Variants in GLIS1 observed in about 807,000 individuals in gnomAD.
GLIS1 encodes GLIS family zinc finger 1.
GLIS1 carries 24 observed loss-of-function variants against 63.8 expected under a neutral mutation model. The ratio of observed to expected loss-of-function variants is 0.38; its 90% CI spans 0.27 to 0.53. GLIS1 has a LOEUF of 0.53. Ranked by LOEUF, GLIS1 falls within the 20% of genes least tolerant of loss-of-function variation. GLIS1 has a pLI of 0.85. For synonymous variants in GLIS1, 450 were observed against 482.5 expected (o/e 0.93, Z 0.88); for missense variants, 1,036 against 1,074.1 (o/e 0.96, Z 0.50).
chr1:53,642,177 AGGACT>A (rs1422022713), intron 2 of GLIS1, among the ~76,000 whole-genome samples: 4 of 152,226 alleles, frequency 2.6e-5, no homozygotes, highest in African/African-American at 9.6e-5. Flanking sequence ...CCCCATTACG[AGGACT>A]GGTGCCCATC....
intron 2 of GLIS1, among the ~76,000 whole-genome samples, chr1:53,700,015 A>C (rs929674047): frequency 6.6e-6 from 1 of 152,186 alleles, no homozygotes. Flanking sequence ...CAGAGCCAGA[A>C]GAAGGGCTGG....
chr1:53,593,963 A>G (rs1645219723), intron 4 of GLIS1, 145 bp downstream of exon 4: 3 of 1,003,750 alleles, frequency 3.0e-6, no homozygotes, highest in Non-Finnish European at 4.3e-6. Flanking sequence ...GGCCACATCC[A>G]CAGCATGGGT....
Position 53,737,824 on chromosome 1 carries a change from C to A in GLIS1, c.241G>T (p.Ala81Ser). ...RSPRDYGPSK[A>S]AAAGKVNGSY... Reference sequence around the variant, plus strand: ...AACTCACCCTTCCCGGCGGCGGCGGCCTTGGATGGACCGTAGTCTCGGGGA... The same window carrying A: ...AACTCACCCTTCCCGGCGGCGGCGGACTTGGATGGACCGTAGTCTCGGGGA... Residue 81 changes from alanine (A) to serine (S), a missense_variant, in exon 2 of 11, where the codon GCC (alanine) becomes TCC (serine). Around this residue, in one of 3 missense-constraint regions of GLIS1, gnomAD observed 592 missense variants for 593.9 expected, o/e 1.00. Transcript: ENST00000628545. The A allele has an allele frequency of 8.1e-7, 1 of 1,231,092 alleles. No homozygotes were observed. The highest frequency in any genetic ancestry group is 1.0e-6 in the Non-Finnish European group (1 of 987,498). The allele number at this position is 1,231,092 out of a possible 1,614,324, so 76.3% of individuals were successfully genotyped here.
chr1:53,650,981 T>C (rs1034348657), intron 2 of GLIS1, among the ~76,000 whole-genome samples: 5 of 152,256 alleles, frequency 3.3e-5, no homozygotes, highest in African/African-American at 1.2e-4. Context: ...CTTCTAGCCC[T>C]GTGGCGTTTC....
rs1644397907 is a variant in GLIS1 at position 53,520,621 on chromosome 1, C to T, written c.1726+13G>A. On this transcript the variant is annotated intron_variant, in intron 7 of 10. Transcript: ENST00000628545. ...TGGGCTACGCCCCTGGCCCTGCCTC[C>T]CCGCACACGTACCTGGGAGCAGCTC... The T allele has an allele frequency of 6.3e-7, 1 of 1,599,720 alleles. No homozygotes were observed. Among genetic ancestry groups the T allele is most frequent in the Non-Finnish European group, 8.5e-7 (1 of 1,173,682 alleles).
chr1:53,591,790 C>G (rs1462002705), intron 4 of GLIS1, among the ~76,000 whole-genome samples: 1 of 152,244 alleles, frequency 6.6e-6, no homozygotes, highest in Non-Finnish European at 1.5e-5. Context: ...AGAGGCAAGA[C>G]CAAGTGTTCT....
intron 4 of GLIS1, among the ~76,000 whole-genome samples, chr1:53,573,373 C>A (rs1362401535): frequency 6.6e-6 from 1 of 152,038 alleles, no homozygotes; most frequent in African/African-American, 2.4e-5. Context: ...ACCCTCCACC[C>A]CCTCCAATTT....
At chr1:53,692,283 T>C (rs1017933941) in intron 2 of GLIS1, among the ~76,000 whole-genome samples, 2 of 152,212 alleles carry the variant, frequency 1.3e-5, no homozygotes, top group African/African-American at 4.8e-5. Flanking sequence ...AGCTCAACCC[T>C]ATGTCATATC....
At chr1:53,546,938 T>C in intron 4 of GLIS1, among the ~76,000 whole-genome samples, 1 of 104,642 alleles carries the variant, frequency 9.6e-6, no homozygotes, top group East Asian at 2.4e-4. Flanking sequence ...CGCCTCTTTC[T>C]TCCCCTGACT....
At chr1:53,674,492 A>C (rs1646190791) in intron 2 of GLIS1, among the ~76,000 whole-genome samples, 1 of 152,204 alleles carries the variant, frequency 6.6e-6, no homozygotes, top group African/African-American at 2.4e-5. Flanking sequence ...CCTGGTTTCC[A>C]CATGTGTAAA....
intron 2 of GLIS1, among the ~76,000 whole-genome samples, chr1:53,620,703 G>A (rs1176185227): frequency 6.6e-6 from 1 of 152,216 alleles, no homozygotes. Context: ...GGAGACTGCA[G>A]GGCCTGTCCC....
chr1:53,624,737 C>G (rs1361416762), intron 2 of GLIS1, among the ~76,000 whole-genome samples: 7 of 151,666 alleles, frequency 4.6e-5, no homozygotes, highest in Admixed American at 1.3e-4. Flanking sequence ...CTAAAAAGCA[C>G]CATTTAGAAA....
At chr1:53,641,085 G>C (rs1431719460) in intron 2 of GLIS1, among the ~76,000 whole-genome samples, 1 of 152,172 alleles carries the variant, frequency 6.6e-6, no homozygotes, top group Non-Finnish European at 1.5e-5. Context: ...TGGCAGCAAT[G>C]AATACCTCCA....
chr1:53,516,470 G>A (rs1004046937), intron 7 of GLIS1, among the ~76,000 whole-genome samples: 2 of 152,012 alleles, frequency 1.3e-5, no homozygotes, highest in African/African-American at 4.8e-5. Flanking sequence ...ATTAACAAGG[G>A]GAGCAGCAGG....
rs377495171 is a variant in GLIS1, at chr1:53,716,668, G to GA, written c.259+21137dup. ...ATAACTAAAATAAAAAAGAAGATGG[G>GA]AAAAAGAGTCAAAGAAACCCTCCAA... On this transcript the variant is annotated intron_variant, in intron 2 of 10. Transcript: ENST00000628545. Among the ~76,000 whole-genome samples the GA allele has an allele frequency of 3.6e-3, 551 of 152,166 alleles. 4 individuals are homozygous for GA. Among genetic ancestry groups the GA allele is most frequent in the African/African-American group, 0.013 (525 of 41,528 alleles).
intron 2 of GLIS1, among the ~76,000 whole-genome samples, chr1:53,672,928 C>T (rs753089089): frequency 1.3e-5 from 2 of 152,248 alleles, no homozygotes; most frequent in Admixed American, 6.5e-5. Flanking sequence ...GGACTGGCTG[C>T]AGGGCTCAGG....
Position 53,509,967 on chromosome 1 carries a change from C to T in GLIS1, c.1944G>A (p.Pro648=), listed in dbSNP as rs553030733. The change falls in exon 9 of 11, where the codon CCG becomes CCA. Residue 648 remains proline, a synonymous_variant. Transcript: ENST00000628545. ...VSPLKGLGPP[P]LPPSSQSHSP... The stretch of plus-strand genomic sequence containing the variant: ...AATGGCTCTGAGAGGATGGGGGCAG[C>T]GGCGGTGGCCCCAGCCCCTTCAGGG... The T allele has an allele frequency of 1.0e-4, 129 of 1,294,286 alleles. No homozygotes were observed. The highest frequency in any genetic ancestry group is 1.2e-4 in the African/African-American group (8 of 66,142). The allele number at this position is 1,294,286 out of a possible 1,614,324, so 80.2% of individuals were successfully genotyped here. A position where few individuals can be genotyped will look rare whatever the true frequency, so the allele number is the denominator to read the frequency against.
chr1:53,655,806 T>A (rs965001139), intron 2 of GLIS1, among the ~76,000 whole-genome samples: 3 of 152,232 alleles, frequency 2.0e-5, no homozygotes, highest in Non-Finnish European at 4.4e-5. Flanking sequence ...TGTTTATTTA[T>A]CCACACTGCT....
At chr1:53,687,140 C>G (rs919577588) in intron 2 of GLIS1, among the ~76,000 whole-genome samples, 1 of 152,184 alleles carries the variant, frequency 6.6e-6, no homozygotes, top group Admixed American at 6.5e-5. Flanking sequence ...AAGGTTTTCC[C>G]AGGATGAGGC....
Sources: gnomAD v4.1 joint callset for allele counts (sites outside exome capture counted in the v4.1 genomes callset) on GRCh38, gnomAD v4.1.1 for gene constraint, gnomAD v4.1.1 regional missense constraint, MANE v1.5 for transcripts, NCBI Gene and HGNC (gene_info 2026-07-23, HGNC 2026-07-21) for gene names.